MEIOC: variants seen among roughly 807,000 people sequenced by gnomAD.
MEIOC encodes meiosis-specific coiled-coil domain-containing protein MEIOC.
In MEIOC, 9 loss-of-function variants were observed where a neutral mutation model predicts 85.3. That is an observed-to-expected ratio of 0.11 (90% CI 0.06 to 0.18). The LOEUF (loss-of-function observed/expected upper bound fraction) is 0.18, where lower values mean the gene tolerates loss of function less well. MEIOC is among the 10% of genes least tolerant of loss of function. MEIOC has a pLI of 1.00. For missense variants in MEIOC, 898 were observed against 1,129.4 expected, an observed-to-expected ratio of 0.80 and a Z score of 2.94; for synonymous variants, 365 against 393.7, an observed-to-expected ratio of 0.93 and a Z score of 0.86.
downstream of MEIOC, among the ~76,000 whole-genome samples, chr17:44,676,561 G>A (rs540725481): frequency 3.3e-4 from 50 of 152,178 alleles, no homozygotes; most frequent in African/African-American, 1.1e-3. Flanking sequence ...GGTGGATCAC[G>A]CCTGTAATCC....
chr17:44,664,687 C>A (rs890721193), intron 3 of MEIOC, among the ~76,000 whole-genome samples: 1 of 152,174 alleles, frequency 6.6e-6, no homozygotes, highest in Admixed American at 6.6e-5. Flanking sequence ...GAAGAAATTA[C>A]CCAAAAACTG....
intron 2 of MEIOC, among the ~76,000 whole-genome samples, chr17:44,661,990 A>T (rs1355511734): frequency 6.6e-6 from 1 of 152,202 alleles, no homozygotes; most frequent in East Asian, 1.9e-4. Flanking sequence ...GAGCTGCCCG[A>T]TACCTGTTTT....
intron 3 of MEIOC, 100 bp from the exon 4 acceptor site, chr17:44,665,284 A>G: frequency 1.1e-6 from 1 of 881,154 alleles, no homozygotes; most frequent in Admixed American, 3.8e-5. Flanking sequence ...GATGGTGTAG[A>G]TTCAGTCCAC....
chr17:44,664,837 A>C (rs1479012470), intron 3 of MEIOC, among the ~76,000 whole-genome samples: 1 of 152,248 alleles, frequency 6.6e-6, no homozygotes, highest in African/African-American at 2.4e-5. Context: ...GATGGCTCCC[A>C]AATCTGTTAC....
rs2144652941 is a variant in MEIOC at position 44,657,199 on chromosome 17, G to A, written c.142G>A (p.Asp48Asn). The A allele has an allele frequency of 1.3e-6, 2 of 1,551,944 alleles. No homozygotes were observed. Among genetic ancestry groups the A allele is most frequent in the Non-Finnish European group, 1.7e-6 (2 of 1,146,978 alleles). Residue 48 changes from aspartate (D) to asparagine (N), a missense_variant, in exon 2 of 8, where the codon GAC becomes AAC. By Grantham distance (23) the Asp-to-Asn change is conservative. Coordinates refer to ENST00000409122, the MANE Select transcript of MEIOC (RefSeq NM_001145080.3). ...LGADAGSRLT[D>N]VFGSVMLTGS... ...CGCCGACGCCGGCAGCAGGTTAACC[G>A]ACGTCTTCGGCAGCGTGATGTTGAC...
chr17:44,656,825 CG>C, intron 1 of MEIOC, 143 bp downstream of exon 1: 1 of 13,678 alleles, frequency 7.3e-5, no homozygotes, highest in Non-Finnish European at 1.3e-4. Context: ...GGCGGGCGGG[CG>C]GGGGGCGCGG....
chr17:44,668,079 A>G lies in MEIOC; in HGVS notation c.2168A>G (p.Asn723Ser). ...DDLSHLYPYFNMMYGDNSFSG... is the reference protein window; with the variant it reads ...DDLSHLYPYFSMMYGDNSFSG... Reference sequence around the variant, plus strand: ...TTAAGCCATTTGTACCCTTATTTTAATATGATGTATGGTGATAATTCTTTT... The same window carrying G: ...TTAAGCCATTTGTACCCTTATTTTAGTATGATGTATGGTGATAATTCTTTT... Residue 723 changes from asparagine (N) to serine (S), a missense_variant, in exon 5 of 8, where the codon AAT becomes AGT. Asn to Ser is a conservative substitution (Grantham distance 46). This residue lies in a region of MEIOC where 734 missense variants were observed against 860.1 expected (regional missense o/e 0.85). Transcript: ENST00000409122. The G allele has an allele frequency of 1.9e-6, 3 of 1,613,462 alleles. No homozygotes were observed. The highest frequency in any genetic ancestry group is 2.5e-6 in the Non-Finnish European group (3 of 1,179,588).
chr17:44,659,288 A>G (rs1971814482), intron 2 of MEIOC, among the ~76,000 whole-genome samples: 1 of 152,178 alleles, frequency 6.6e-6, no homozygotes. Flanking sequence ...TTGTGCCCTA[A>G]ATGACAAAGC....
chr17:44,658,623 C>T (rs1568131600), intron 2 of MEIOC, among the ~76,000 whole-genome samples: 2 of 151,096 alleles, frequency 1.3e-5, no homozygotes, highest in South Asian at 2.1e-4. Flanking sequence ...GGCGAAACCC[C>T]ATCTCTACTA....
rs374880894 is a variant in MEIOC at position 44,665,330 on chromosome 17, T to C, written c.360-54T>C. Reference sequence around the variant, plus strand: ...GATAAAGATGGTAAGGTAGGATAAGTCTGGAAAGAGTAATCAATATATTGT... The same window carrying C: ...GATAAAGATGGTAAGGTAGGATAAGCCTGGAAAGAGTAATCAATATATTGT... On this transcript the variant is annotated intron_variant, in intron 3 of 7. Coordinates refer to ENST00000409122, the MANE Select transcript of MEIOC (RefSeq NM_001145080.3). 7.0e-5 allele frequency: 83 copies of C among 1,182,722 alleles called. 1 individual carries two copies. The East Asian group carries it at 7.4e-4, about 11-fold the overall frequency. 73.3% of individuals were successfully genotyped at this position (1,182,722 alleles called of 1,614,324 possible). A position where few individuals can be genotyped will look rare whatever the true frequency, so the allele number is the denominator to read the frequency against.
intron 2 of MEIOC, among the ~76,000 whole-genome samples, chr17:44,658,458 A>G (rs541574169): frequency 7.9e-5 from 12 of 151,524 alleles, no homozygotes; most frequent in East Asian, 6.0e-4. Flanking sequence ...CCCGGCTACA[A>G]TCTTTTAAAT....
intron 3 of MEIOC, 66 bp from the exon 4 acceptor site, chr17:44,665,318 A>C: frequency 1.9e-6 from 2 of 1,032,300 alleles, no homozygotes; most frequent in Non-Finnish European, 2.6e-6. Flanking sequence ...AAAGATGGTA[A>C]GGTAGGATAA....
chr17:44,668,341 T>A, intron 5 of MEIOC, 108 bp downstream of exon 5: 1 of 1,054,302 alleles, frequency 9.5e-7, no homozygotes, highest in Non-Finnish European at 1.4e-6. Flanking sequence ...CTTTTTGCTT[T>A]ATTTGTTGTT....
rs1400728438 is a variant in MEIOC at position 44,666,622 on chromosome 17, G to A, written c.711G>A (p.Met237Ile). The change falls in exon 5 of 8, where the codon ATG becomes ATA. Residue 237 changes from methionine (M) to isoleucine (I), a missense_variant. Coordinates refer to ENST00000409122, the MANE Select transcript of MEIOC (RefSeq NM_001145080.3). ...FTGLDLEEQW[M>I]YPSRSDHSNC... ...GTTTAGATCTTGAAGAACAATGGAT[G>A]TACCCCTCACGAAGTGATCATTCTA... The A allele has an allele frequency of 6.2e-6, 10 of 1,611,026 alleles. No homozygotes were observed. The highest frequency in any genetic ancestry group is 1.3e-5 in the African/African-American group (1 of 74,900).
chr17:44,673,953 G>T, intron 7 of MEIOC, 23 bp from the exon 8 acceptor site: 3 of 1,544,986 alleles, frequency 1.9e-6, no homozygotes, highest in South Asian at 1.2e-5. Flanking sequence ...AATATGAAAT[G>T]ACCCTGAATG....
intron 2 of MEIOC, among the ~76,000 whole-genome samples, chr17:44,657,997 A>C (rs990924573): frequency 6.6e-6 from 1 of 151,132 alleles, no homozygotes; most frequent in Non-Finnish European, 1.5e-5. Flanking sequence ...GATTACAGGC[A>C]CCTGCCATCA....
chr17:44,668,150 C>G lies in MEIOC; in HGVS notation c.2239C>G (p.Arg747Gly). ...TFGFQRPIKTRSGPASELHIR... is the reference protein window; with the variant it reads ...TFGFQRPIKTGSGPASELHIR... ...TGGATTTCAAAGACCAATTAAAACC[C>G]GTAGTGGACCAGCCAGTGAACTTCA... Residue 747 changes from arginine to glycine, a missense_variant, in exon 5 of 8, where the codon CGT (arginine) becomes GGT (glycine). This residue lies in a region of MEIOC where 164 missense variants were observed against 269.2 expected (regional missense o/e 0.61). Transcript: ENST00000409122. 6.2e-7 allele frequency: 1 copy of G among 1,613,878 alleles called. No individual in the cohort carries two copies. Among genetic ancestry groups the G allele is most frequent in the Middle Eastern group, 1.6e-4 (1 of 6,062 alleles).
intron 7 of MEIOC, 180 bp downstream of exon 7, chr17:44,673,726 G>T (rs1972039923): frequency 1.4e-6 from 1 of 731,132 alleles, no homozygotes. Flanking sequence ...AATTTTGTCT[G>T]TTATAACTGT....
Position 44,666,503 on chromosome 17 carries a change from G to A in MEIOC, c.592G>A (p.Asp198Asn), listed in dbSNP as rs758676980. 1 of 1,603,162 alleles carries A rather than the reference G, an allele frequency of 6.2e-7. No individual in the cohort carries two copies. ...TVISQQAFYS[D>N]ESVSAMEKQY... ...CATCTCTCAGCAAGCTTTTTATAGT[G>A]ATGAATCTGTGTCAGCAATGGAAAA... is the stretch of plus-strand genomic sequence containing the variant. Residue 198 changes from aspartate (D) to asparagine (N), a missense_variant, in exon 5 of 8, where the codon GAT (aspartate) becomes AAT (asparagine). Coordinates refer to ENST00000409122, the MANE Select transcript of MEIOC (RefSeq NM_001145080.3).
Sources: allele counts gnomAD v4.1 joint callset (sites outside exome capture counted in the v4.1 genomes callset), GRCh38; gene constraint gnomAD v4.1.1; regional missense constraint gnomAD v4.1.1; transcripts MANE v1.5; gene names NCBI Gene and HGNC (gene_info 2026-07-23, HGNC 2026-07-21).